Variants in ASCC1 observed in about 807,000 individuals in gnomAD.
ASCC1 encodes activating signal cointegrator 1 complex subunit 1.
Under a neutral mutation model 46.6 loss-of-function variants are expected in ASCC1, and 35 were observed. The ratio of observed to expected loss-of-function variants is 0.75; its 90% CI spans 0.57 to 0.99. The LOEUF is 0.99. Among genes scored for constraint, ASCC1 ranks in the 50% least tolerant of loss-of-function variants. ASCC1 has a pLI of 0.00. For missense variants in ASCC1, 376 were observed against 428.7 expected (o/e 0.88, Z 1.09); for synonymous variants, 143 against 146.6 (o/e 0.98, Z 0.18).
chr10:72,216,849 A>T (rs1341763601), upstream of ASCC1: 1 of 456,208 alleles, frequency 2.2e-6, no homozygotes, highest in South Asian at 1.5e-5. Context: ...AGGATACTTC[A>T]TCATCAGTAT....
intron 3 of ASCC1, among the ~76,000 whole-genome samples, chr10:72,210,278 G>C (rs1203408904): frequency 6.7e-6 from 1 of 148,304 alleles, no homozygotes; most frequent in Non-Finnish European, 1.5e-5. Context: ...TCCTGCCTCA[G>C]CCTCCCAAGT....
At chr10:72,149,503 T>C (rs997751639) in intron 7 of ASCC1, among the ~76,000 whole-genome samples, 1 of 140,210 alleles carries the variant, frequency 7.1e-6, no homozygotes, top group Non-Finnish European at 1.6e-5. Flanking sequence ...AACAAGTAAA[T>C]TTCTCAGTTT....
intron 6 of ASCC1, 95 bp from the exon 7 acceptor site, chr10:72,153,083 A>G: frequency 1.3e-6 from 2 of 1,495,986 alleles, no homozygotes; most frequent in Non-Finnish European, 1.8e-6. Context: ...TCAAATATGT[A>G]TGTTACTTAC....
intron 7 of ASCC1, among the ~76,000 whole-genome samples, chr10:72,152,494 G>C (rs1349013566): frequency 1.3e-5 from 2 of 152,092 alleles, no homozygotes; most frequent in African/African-American, 4.8e-5. Flanking sequence ...AGTTCACAAA[G>C]ACTAGATTGT....
chr10:72,133,327 T>C, intron 7 of ASCC1, 146 bp from the exon 8 acceptor site: 1 of 749,630 alleles, frequency 1.3e-6, no homozygotes, highest in Non-Finnish European at 2.3e-6. Context: ...AAGAGACTCA[T>C]CTCCCACCAT....
At chr10:72,169,148 ATG>A (rs1354913216) in intron 5 of ASCC1, among the ~76,000 whole-genome samples, 1 of 152,240 alleles carries the variant, frequency 6.6e-6, no homozygotes, top group Non-Finnish European at 1.5e-5. Flanking sequence ...CTATTATTAA[ATG>A]AGAAATGCAA....
At chr10:72,214,250 G>A (rs1196278681) in intron 1 of ASCC1, among the ~76,000 whole-genome samples, 5 of 151,438 alleles carry the variant, frequency 3.3e-5, no homozygotes, top group Non-Finnish European at 7.4e-5. Flanking sequence ...ATAAATGCCC[G>A]TATATAAACA....
rs764306811 is a variant in ASCC1, at chr10:72,213,140, C to T, written c.112+47G>A. 2.3e-6 allele frequency: 3 copies of T among 1,321,894 alleles called. 1 individual carries two copies. In the South Asian group the frequency reaches 3.5e-5, roughly 16 times the overall value. The allele number at this position is 1,321,894 out of a possible 1,614,324, so 81.9% of individuals were successfully genotyped here. A position where few individuals can be genotyped will look rare whatever the true frequency, so the allele number is the denominator to read the frequency against. On this transcript the variant is annotated intron_variant, in intron 2 of 9. Transcript: ENST00000672957. ...CAAACAAAAAATTGATCCTACAATA[C>T]ACAGGACATTTTACTTCTTATCTGA...
intron 9 of ASCC1, among the ~76,000 whole-genome samples, chr10:72,115,373 T>C (rs1238536026): frequency 6.6e-6 from 1 of 152,106 alleles, no homozygotes; most frequent in East Asian, 1.9e-4. Flanking sequence ...GAGAGCTCTA[T>C]TGATTTGGAC....
At position 72,096,512 on chromosome 10, in the gene ASCC1, CA is replaced by C. The variant is rs1841110611; in HGVS notation, c.*821del. The C allele has an allele frequency of 2.2e-6, 1 of 453,864 alleles. No homozygotes were observed. The highest frequency in any genetic ancestry group is 4.4e-6 in the Non-Finnish European group (1 of 226,776). The allele number at this position is 453,864 out of a possible 1,614,324, so 28.1% of individuals were successfully genotyped here. A position where few individuals can be genotyped will look rare whatever the true frequency, so the allele number is the denominator to read the frequency against. The stretch of plus-strand genomic sequence containing the variant: ...AAACTTTGGTAGGAAAATGATAGAC[CA>C]AGCAAAGTAAAAGGCAAACAACTTT... On this transcript the variant is annotated 3_prime_UTR_variant, in exon 10 of 10. Transcript: ENST00000672957.
rs1554829948 is a variant in ASCC1, at chr10:72,141,036, T to TATAGACAGATAG, written c.747-7856_747-7855insCTATCTGTCTAT. ...ATACCAAGTATAACATCAAATTGTT[T>TATAGACAGATAG]ATAGATAGATAGATAGATAGATAGA... On this transcript the variant is annotated intron_variant, in intron 7 of 9. Transcript: ENST00000672957. 4.0e-4 allele frequency among the ~76,000 whole-genome samples: 57 copies of TATAGACAGATAG among 144,276 alleles called. 1 individual carries two copies. Among genetic ancestry groups the TATAGACAGATAG allele is most frequent in the African/African-American group, 1.4e-3 (54 of 38,538 alleles). 94.7% of individuals were successfully genotyped at this position (144,276 alleles called of 152,430 possible).
In ASCC1 at chr10:72,213,199, C is replaced by G. The variant is rs11558719; in HGVS notation, c.100G>C (p.Asp34His). 3.8e-5 allele frequency: 61 copies of G among 1,600,934 alleles called. No homozygotes were observed. Among genetic ancestry groups the G allele is most frequent in the Non-Finnish European group, 4.9e-5 (57 of 1,168,340 alleles). Residue 34 changes from aspartate to histidine, a missense_variant, in exon 2 of 10, where the codon GAC becomes CAC. Physicochemically the swap from Asp to His is moderately conservative, Grantham distance 81. Coordinates refer to ENST00000672957, the MANE Select transcript of ASCC1 (RefSeq NM_001198800.3). The part of the protein sequence containing the change: ...QTYQHEEDEE[D>H]FYQGSMECAD... The stretch of plus-strand genomic sequence containing the variant: ...CAACTAGGATTACCTTGATAGAAGT[C>G]CTCTTCATCTTCTTCATGTTGATAG...
At chr10:72,137,940 C>G (rs545377109) in intron 7 of ASCC1, among the ~76,000 whole-genome samples, 1 of 151,990 alleles carries the variant, frequency 6.6e-6, no homozygotes, top group Admixed American at 6.6e-5. Context: ...CTCAGCTCAC[C>G]GCAACCCTCT....
chr10:72,157,883 C>T (rs1849171200), intron 6 of ASCC1, among the ~76,000 whole-genome samples: 1 of 152,064 alleles, frequency 6.6e-6, no homozygotes, highest in South Asian at 2.1e-4. Context: ...GAAAATAGTA[C>T]CAAACTTTAA....
intron 6 of ASCC1, chr10:72,159,408 A>T (rs1849361317): frequency 6.6e-6 from 1 of 152,238 alleles, no homozygotes; most frequent in Non-Finnish European, 1.5e-5. Flanking sequence ...TTCAGTGATT[A>T]AAAACCTGTG....
At chr10:72,179,319 C>G (rs528306359) in intron 5 of ASCC1, among the ~76,000 whole-genome samples, 1 of 152,138 alleles carries the variant, frequency 6.6e-6, no homozygotes, top group South Asian at 2.1e-4. Context: ...TTTTTTAAAC[C>G]CTCAAATACT....
chr10:72,120,287 C>T lies in ASCC1; in HGVS notation c.957+7795G>A, dbSNP rs113560986. Among the ~76,000 whole-genome samples, 136 of 151,912 alleles carry T rather than the reference C, an allele frequency of 9.0e-4. 2 individuals carry two copies. The highest frequency in any genetic ancestry group is 3.2e-3 in the African/African-American group (132 of 41,462). ...AATACTGTAACAAAAATAAAGAATG[C>T]CTTTGATGGGCTCATTAGCAGACTG... On this transcript the variant is annotated intron_variant, in intron 9 of 9. Coordinates refer to ENST00000672957, the MANE Select transcript of ASCC1 (RefSeq NM_001198800.3).
rs111301868 is a variant in ASCC1, at chr10:72,181,644, A to G, written c.489+15167T>C. ...TTTTTGGAAAACTGAAGCAGAGAAA[A>G]AAAAACGTCTGGACAGAATCTCAGT... On this transcript the variant is annotated intron_variant, in intron 5 of 9. Coordinates refer to ENST00000672957, the MANE Select transcript of ASCC1 (RefSeq NM_001198800.3). Among the ~76,000 whole-genome samples, 888 of 152,186 alleles carry G rather than the reference A, an allele frequency of 5.8e-3. 6 individuals are homozygous for G. Among genetic ancestry groups the G allele is most frequent in the African/African-American group, 0.02 (819 of 41,534 alleles).
intron 9 of ASCC1, among the ~76,000 whole-genome samples, chr10:72,098,355 A>G (rs1455355253): frequency 6.6e-6 from 1 of 152,236 alleles, no homozygotes; most frequent in Non-Finnish European, 1.5e-5. Flanking sequence ...TACAATCCCA[A>G]GAAAGCCTTG....
Sources: allele counts gnomAD v4.1 joint callset (sites outside exome capture counted in the v4.1 genomes callset), GRCh38; gene constraint gnomAD v4.1.1; transcripts MANE v1.5; gene names NCBI Gene and HGNC (gene_info 2026-07-23, HGNC 2026-07-21).